WDR1: variants seen among roughly 807,000 people sequenced by gnomAD.
WDR1 encodes the protein WD repeat domain 1, also known as WD repeat-containing protein 1.
WDR1 carries 21 observed loss-of-function variants against 71.9 expected under a neutral mutation model. The observed-to-expected ratio is 0.29, with a 90% CI of 0.21 to 0.42. The LOEUF (loss-of-function observed/expected upper bound fraction) is 0.42, where lower values mean the gene tolerates loss of function less well. WDR1 is among the 10% of genes least tolerant of loss of function. WDR1 has a pLI of 1.00. For missense variants in WDR1, 696 were observed against 824.5 expected (o/e 0.84, Z 1.91); for synonymous variants, 424 against 347.4 (o/e 1.22, Z -2.45).
At chr4:10,097,280 C>T (rs1228558387) in intron 5 of WDR1, among the ~76,000 whole-genome samples, 1 of 152,280 alleles carries the variant, frequency 6.6e-6, no homozygotes, top group East Asian at 1.9e-4. Context: ...TTTGCAGGCG[C>T]ATCACTGCCC....
In WDR1 at chr4:10,103,564, G is replaced by A. The variant is rs970612447; in HGVS notation, c.229+332C>T. ...ACAGATAAAATACACTAATACTATC[G>A]ATAGCTGATGAGCTTGAAAAGAAAA... is the stretch of plus-strand genomic sequence containing the variant. On this transcript the variant is annotated intron_variant, in intron 3 of 14. Coordinates refer to ENST00000499869, the MANE Select transcript of WDR1 (RefSeq NM_017491.5). Among the ~76,000 whole-genome samples, 4 of 151,980 alleles carry A rather than the reference G, an allele frequency of 2.6e-5. No homozygotes were observed. The East Asian group carries it at 5.8e-4, about 22-fold the overall frequency.
rs552901051 is a variant in WDR1, at chr4:10,116,525, C to A, written c.16+126G>T. 15 of 772,240 alleles carry A rather than the reference C, an allele frequency of 1.9e-5. No homozygotes were observed. The African/African-American group carries it at 2.2e-4, about 12-fold the overall frequency. 47.8% of individuals were successfully genotyped at this position (772,240 alleles called of 1,614,324 possible). On this transcript the variant is annotated intron_variant, in intron 1 of 14. Coordinates refer to ENST00000499869, the MANE Select transcript of WDR1 (RefSeq NM_017491.5). The stretch of plus-strand genomic sequence containing the variant: ...ACCGAGGGCGGCCCCGCCACGCCTC[C>A]GGCCGGCGCCCGCACCCCTCCCCCG...
intron 5 of WDR1, among the ~76,000 whole-genome samples, chr4:10,097,064 G>A (rs1444024247): frequency 6.6e-6 from 1 of 152,244 alleles, no homozygotes; most frequent in Non-Finnish European, 1.5e-5. Flanking sequence ...CAAATTCATA[G>A]TCAAAACCCT....
intron 3 of WDR1, among the ~76,000 whole-genome samples, chr4:10,101,405 CCT>C (rs1238099196): frequency 6.6e-6 from 1 of 152,242 alleles, no homozygotes. Flanking sequence ...AAACCACCCC[CCT>C]ACCACACTAT....
intron 2 of WDR1, among the ~76,000 whole-genome samples, chr4:10,108,850 C>T (rs1162346940): frequency 6.6e-6 from 1 of 152,196 alleles, no homozygotes; most frequent in Admixed American, 6.5e-5. Flanking sequence ...CCACCCTGAA[C>T]CCCCACCTTC....
intron 9 of WDR1, 127 bp from the exon 10 acceptor site, chr4:10,083,305 C>T (rs1765087092): frequency 5.6e-6 from 7 of 1,248,806 alleles, no homozygotes; most frequent in Non-Finnish European, 2.2e-6. Context: ...ATAACCATTC[C>T]CCCTGGGAAG....
rs1333742841 is a variant in WDR1 at position 10,116,715 on chromosome 4, G to C, written c.-49C>G. On this transcript the variant is annotated 5_prime_UTR_variant, in exon 1 of 15. Transcript: ENST00000499869. ...GCGCTCGCCGAGAGCCTCCGGGGCC[G>C]GCCCGCGCTGCGAATTACACCTCGC... The C allele has an allele frequency of 1.5e-6, 2 of 1,318,914 alleles. No homozygotes were observed. The highest frequency in any genetic ancestry group is 1.5e-5 in the African/African-American group (1 of 64,860). 81.7% of individuals were successfully genotyped at this position (1,318,914 alleles called of 1,614,324 possible).
At chr4:10,101,309 G>T (rs990095387) in intron 3 of WDR1, among the ~76,000 whole-genome samples, 3 of 152,236 alleles carry the variant, frequency 2.0e-5, no homozygotes, top group Non-Finnish European at 4.4e-5. Context: ...GACTGACAGG[G>T]TCTAAAGATC....
At chr4:10,111,179 A>G (rs1713331724) in intron 2 of WDR1, among the ~76,000 whole-genome samples, 1 of 152,164 alleles carries the variant, frequency 6.6e-6, no homozygotes, top group Non-Finnish European at 1.5e-5. Context: ...TGGCCTTCAG[A>G]GCAGGGCTGC....
chr4:10,116,169 T>C lies in WDR1; in HGVS notation c.82A>G (p.Lys28Glu). Residue 28 changes from lysine (K) to glutamate (E), a missense_variant, in exon 2 of 15, where the codon AAG becomes GAG. Transcript: ENST00000499869. ...GVSKIIGGDP[K>E]GNNFLYTNGK... The stretch of plus-strand genomic sequence containing the variant: ...TTGGTGTACAGAAAATTGTTGCCCT[T>C]AGGGTCGCCGCCGATGATCTTGGAG... 6.2e-7 allele frequency: 1 copy of C among 1,613,552 alleles called. No individual in the cohort carries two copies. The highest frequency in any genetic ancestry group is 8.5e-7 in the Non-Finnish European group (1 of 1,179,780).
chr4:10,096,590 T>G (rs531887783), intron 5 of WDR1: 1 of 150,744 alleles, frequency 6.6e-6, no homozygotes, highest in African/African-American at 2.4e-5. Context: ...GAAAGCCCCC[T>G]CCTGTACCCT....
chr4:10,104,673 TAC>T (rs1025056963), intron 2 of WDR1, among the ~76,000 whole-genome samples: 2 of 152,106 alleles, frequency 1.3e-5, no homozygotes, highest in South Asian at 2.1e-4. Context: ...CCTCCCGGCA[TAC>T]ACACACACGC....
At position 10,116,793 on chromosome 4, in the gene WDR1, G is replaced by A. The variant is rs2108813642; in HGVS notation, c.-127C>T. On this transcript the variant is annotated 5_prime_UTR_variant, in exon 1 of 15. Transcript: ENST00000499869. ...GAAGGCGGCACCGGGCGTGCCGGGA[G>A]TGGAGTGGGCGGTCCGAGGCCGGGG... 1.8e-6 allele frequency: 2 copies of A among 1,133,496 alleles called. No homozygotes were observed. The highest frequency in any genetic ancestry group is 2.2e-6 in the Non-Finnish European group (2 of 901,112). 70.2% of individuals were successfully genotyped at this position (1,133,496 alleles called of 1,614,324 possible). A position where few individuals can be genotyped will look rare whatever the true frequency, so the allele number is the denominator to read the frequency against.
At chr4:10,107,266 A>G (rs1713079127) in intron 2 of WDR1, among the ~76,000 whole-genome samples, 1 of 152,164 alleles carries the variant, frequency 6.6e-6, no homozygotes, top group African/African-American at 2.4e-5. Context: ...GCTGCCGTTC[A>G]GTCCTCACCA....
At chr4:10,101,441 A>G (rs1382968676) in intron 3 of WDR1, among the ~76,000 whole-genome samples, 1 of 152,000 alleles carries the variant, frequency 6.6e-6, no homozygotes, top group African/African-American at 2.4e-5. Flanking sequence ...TCATCTCTGC[A>G]GCAAACGTTC....
At chr4:10,106,570 T>C (rs1044634777) in intron 2 of WDR1, 1 of 152,144 alleles carries the variant, frequency 6.6e-6, no homozygotes, top group Non-Finnish European at 1.5e-5. Context: ...GGGGCTCCCA[T>C]GGGCCTTCCG....
intron 5 of WDR1, among the ~76,000 whole-genome samples, chr4:10,091,192 G>A (rs747816966): frequency 1.4e-4 from 22 of 152,274 alleles, no homozygotes; most frequent in Admixed American, 3.3e-4. Context: ...GGTGCTAGAG[G>A]TCACCCTTCC....
chr4:10,086,680 G>A (rs1341794620), intron 8 of WDR1, among the ~76,000 whole-genome samples: 1 of 152,228 alleles, frequency 6.6e-6, no homozygotes, highest in Non-Finnish European at 1.5e-5. Context: ...GAGCTCCACG[G>A]CAGCAGGATG....
chr4:10,085,158 T>A (rs922487281), intron 8 of WDR1, among the ~76,000 whole-genome samples: 1 of 152,200 alleles, frequency 6.6e-6, no homozygotes, highest in Non-Finnish European at 1.5e-5. Flanking sequence ...GCCCCCTCCA[T>A]ATCTGAGCCT....
Sources: gnomAD v4.1 joint callset for allele counts (sites outside exome capture counted in the v4.1 genomes callset) on GRCh38, gnomAD v4.1.1 for gene constraint, MANE v1.5 for transcripts, NCBI Gene and HGNC (gene_info 2026-07-23, HGNC 2026-07-21) for gene names.